VPS13B: variants seen among roughly 807,000 people sequenced by gnomAD.
VPS13B encodes vacuolar protein sorting 13 homolog B, also known as intermembrane lipid transfer protein VPS13B.
In VPS13B, 285 loss-of-function variants were observed where a neutral mutation model predicts 426.4. That is an observed-to-expected ratio of 0.67 (90% CI 0.61 to 0.74). VPS13B has a LOEUF of 0.74. Among genes scored for constraint, VPS13B ranks in the 30% least tolerant of loss-of-function variants. The probability of loss-of-function intolerance (pLI) is 0.00; values close to 1 mark genes in which losing one functional copy is unlikely to be tolerated. For missense variants in VPS13B, 4,537 were observed against 4,782.6 expected (o/e 0.95, Z 1.51); for synonymous variants, 1,676 against 1,676.4 (o/e 1.00, Z 0.01).
chr8:99,362,566 T>C (rs1812630159), intron 19 of VPS13B, among the ~76,000 whole-genome samples: 1 of 152,182 alleles, frequency 6.6e-6, no homozygotes, highest in Admixed American at 6.5e-5. Context: ...ATGGTCTTAT[T>C]TGAATTAGAA....
intron 17 of VPS13B, among the ~76,000 whole-genome samples, chr8:99,213,142 T>C (rs1259523766): frequency 1.3e-5 from 2 of 152,196 alleles, no homozygotes; most frequent in African/African-American, 4.8e-5. Flanking sequence ...AGCTGGGTAA[T>C]ATGGCGTGTG....
At chr8:99,240,435 A>G (rs531904987) in intron 17 of VPS13B, among the ~76,000 whole-genome samples, 1 of 152,212 alleles carries the variant, frequency 6.6e-6, no homozygotes, top group African/African-American at 2.4e-5. Context: ...AATGTTGTCT[A>G]CTACATAATA....
intron 30 of VPS13B, among the ~76,000 whole-genome samples, chr8:99,547,359 A>T (rs923314923): frequency 6.6e-6 from 1 of 152,054 alleles, no homozygotes; most frequent in Non-Finnish European, 1.5e-5. Flanking sequence ...AATTACTGTC[A>T]CTTATGGAGA....
At chr8:99,554,197 A>G (rs752023603) in intron 30 of VPS13B, among the ~76,000 whole-genome samples, 1 of 152,114 alleles carries the variant, frequency 6.6e-6, no homozygotes, top group Non-Finnish European at 1.5e-5. Flanking sequence ...TTAATATAGC[A>G]CTAATTTTGT....
intron 19 of VPS13B, among the ~76,000 whole-genome samples, chr8:99,293,700 A>C (rs1267925852): frequency 6.6e-6 from 1 of 151,996 alleles, no homozygotes; most frequent in Non-Finnish European, 1.5e-5. Context: ...TTACAAGAAA[A>C]AAACAAACAA....
chr8:99,067,638 A>G (rs745640057), intron 3 of VPS13B, among the ~76,000 whole-genome samples: 3 of 152,272 alleles, frequency 2.0e-5, no homozygotes, highest in Non-Finnish European at 4.4e-5. Flanking sequence ...AACTTAAAGT[A>G]TAACTTAAGA....
At chr8:99,098,317 A>G (rs1366448848) in intron 4 of VPS13B, among the ~76,000 whole-genome samples, 1 of 151,978 alleles carries the variant, frequency 6.6e-6, no homozygotes, top group Non-Finnish European at 1.5e-5. Context: ...GTGGTGTACA[A>G]CCTTTTAGAG....
At chr8:99,289,181 T>C (rs1819597834) in intron 19 of VPS13B, among the ~76,000 whole-genome samples, 1 of 152,118 alleles carries the variant, frequency 6.6e-6, no homozygotes, top group Non-Finnish European at 1.5e-5. Flanking sequence ...TTTTCCAAAT[T>C]CTTAATGGAA....
At chr8:99,539,952 A>G (rs1823469977) in intron 30 of VPS13B, among the ~76,000 whole-genome samples, 1 of 139,156 alleles carries the variant, frequency 7.2e-6, no homozygotes, top group African/African-American at 2.6e-5. Flanking sequence ...ATATTTATAT[A>G]TAGCATTTAT....
At chr8:99,717,747 T>G (rs1052109847) in intron 37 of VPS13B, among the ~76,000 whole-genome samples, 1 of 152,210 alleles carries the variant, frequency 6.6e-6, no homozygotes, top group Non-Finnish European at 1.5e-5. Flanking sequence ...GATTTACCTA[T>G]TCTTAACATT....
At chr8:99,177,757 C>A in intron 16 of VPS13B, among the ~76,000 whole-genome samples, 1 of 152,184 alleles carries the variant, frequency 6.6e-6, no homozygotes, top group East Asian at 1.9e-4. Context: ...TGAGCATTTA[C>A]AACTCATTCT....
intron 19 of VPS13B, among the ~76,000 whole-genome samples, chr8:99,344,859 A>C (rs1477941266): frequency 2.6e-5 from 4 of 152,108 alleles, no homozygotes; most frequent in Non-Finnish European, 4.4e-5. Context: ...TTTCAGTATT[A>C]AAGTAGTCAG....
chr8:99,135,512 TG>T (rs1248869096), intron 10 of VPS13B, 83 bp from the exon 11 acceptor site: 6 of 1,505,026 alleles, frequency 4.0e-6, no homozygotes, highest in Non-Finnish European at 5.4e-6. Context: ...GACTAGTAAA[TG>T]GGCATCATAA....
chr8:99,458,683 G>T (rs1257633352), intron 23 of VPS13B, among the ~76,000 whole-genome samples: 1 of 152,104 alleles, frequency 6.6e-6, no homozygotes, highest in Non-Finnish European at 1.5e-5. Flanking sequence ...TGATGAGCAT[G>T]TTTTCATGTG....
chr8:99,106,053 T>C (rs1847025796), intron 5 of VPS13B, among the ~76,000 whole-genome samples: 1 of 152,180 alleles, frequency 6.6e-6, no homozygotes, highest in African/African-American at 2.4e-5. Context: ...AGGAAGAAAC[T>C]ATTATTTTCC....
intron 3 of VPS13B, among the ~76,000 whole-genome samples, chr8:99,063,112 C>T (rs1445153751): frequency 6.6e-6 from 1 of 152,138 alleles, no homozygotes; most frequent in East Asian, 1.9e-4. Flanking sequence ...TCCAAGATGG[C>T]CCAGTAGGAA....
intron 3 of VPS13B, among the ~76,000 whole-genome samples, chr8:99,058,519 G>A (rs1435179951): frequency 1.3e-5 from 2 of 151,794 alleles, no homozygotes; most frequent in Non-Finnish European, 2.9e-5. Flanking sequence ...CACATTAAGA[G>A]GTCCTGAGAT....
intron 23 of VPS13B, among the ~76,000 whole-genome samples, chr8:99,457,924 T>TA (rs1554801350): frequency 2.6e-5 from 4 of 152,218 alleles, no homozygotes; most frequent in Non-Finnish European, 5.9e-5. Context: ...TTTCTTTTTT[T>TA]TATATATATA....
chr8:99,510,686 A>G (rs962091283), intron 28 of VPS13B, among the ~76,000 whole-genome samples: 5 of 152,178 alleles, frequency 3.3e-5, no homozygotes, highest in Non-Finnish European at 7.4e-5. Flanking sequence ...AATTTTTTGT[A>G]TTTTGAGTAG....
Sources: gnomAD v4.1 joint callset for allele counts (sites outside exome capture counted in the v4.1 genomes callset) on GRCh38, gnomAD v4.1.1 for gene constraint, MANE v1.5 for transcripts, NCBI Gene and HGNC (gene_info 2026-07-23, HGNC 2026-07-21) for gene names.